The following HSF2BP variants were observed in gnomAD, a reference collection of about 807,000 sequenced individuals.
HSF2BP encodes the protein heat shock transcription factor 2 binding protein, also known as heat shock factor 2-binding protein.
A neutral mutation model predicts 35.0 loss-of-function variants in HSF2BP; 35 were observed. The ratio of observed to expected loss-of-function variants is 1.00; its 90% CI spans 0.76 to 1.32. The LOEUF is 1.32. Ranked by LOEUF, HSF2BP falls within the 40% of genes most tolerant of loss-of-function variation. The probability of loss-of-function intolerance (pLI) is 0.00; values close to 1 mark genes in which losing one functional copy is unlikely to be tolerated. For synonymous variants in HSF2BP, 114 were observed against 117.4 expected, an observed-to-expected ratio of 0.97 and a Z score of 0.18; for missense variants, 326 against 321.7, an observed-to-expected ratio of 1.01 and a Z score of -0.10.
Position 43,630,472 on chromosome 21 carries a change from A to G in HSF2BP, c.442-18T>C. 6.2e-7 allele frequency: 1 copy of G among 1,605,842 alleles called. No homozygotes were observed. The highest frequency in any genetic ancestry group is 8.5e-7 in the Non-Finnish European group (1 of 1,177,336). On this transcript the variant is annotated intron_variant, in intron 5 of 8. Transcript: ENST00000291560. ...GCTTTATCCTGAAAGTTTGAAAATC[A>G]GAGTGTCATATCTTTTTACAGACAC...
chr21:43,584,996 T>C (rs1047653398), intron 8 of HSF2BP, among the ~76,000 whole-genome samples: 6 of 142,662 alleles, frequency 4.2e-5, no homozygotes, highest in Non-Finnish European at 7.4e-5. Context: ...TTTTATTTAA[T>C]TATTTATTTA....
chr21:43,656,579 A>AGACTC lies in HSF2BP; in HGVS notation c.187+3_187+7dup. The AGACTC allele has an allele frequency of 6.2e-7, 1 of 1,605,180 alleles. No homozygotes were observed. The highest frequency in any genetic ancestry group is 8.5e-7 in the Non-Finnish European group (1 of 1,177,460). Reference sequence around the variant, plus strand: ...TACCACCAATGACTGCTGAAAATGAAGACTCACTTTTTTCTACAATCTTTA... The same window carrying AGACTC: ...TACCACCAATGACTGCTGAAAATGAAGACTCGACTCACTTTTTTCTACAATCTTTA... On this transcript the variant is annotated splice_region_variant and intron_variant, in intron 3 of 8. Transcript: ENST00000291560.
chr21:43,592,640 T>C (rs886300708), intron 7 of HSF2BP, among the ~76,000 whole-genome samples: 1 of 152,196 alleles, frequency 6.6e-6, no homozygotes, highest in Admixed American at 6.5e-5. Context: ...CAATCCTGCA[T>C]TAACATACAG....
At chr21:43,604,511 CTATACACA>C (rs1283312933) in intron 7 of HSF2BP, among the ~76,000 whole-genome samples, 146 of 137,434 alleles carry the variant, frequency 1.1e-3, no homozygotes, top group African/African-American at 3.9e-3. Context: ...ACTACACACA[CTATACACA>C]CCCCACACAC....
intron 3 of HSF2BP, among the ~76,000 whole-genome samples, chr21:43,650,483 G>T (rs1267993895): frequency 6.6e-6 from 1 of 152,000 alleles, no homozygotes; most frequent in Non-Finnish European, 1.5e-5. Context: ...GGGATTACAG[G>T]CATGAGCCAC....
intron 5 of HSF2BP, among the ~76,000 whole-genome samples, chr21:43,631,446 C>T (rs971533032): frequency 1.3e-5 from 2 of 152,088 alleles, no homozygotes; most frequent in Non-Finnish European, 2.9e-5. Context: ...TGCAGAGGGC[C>T]GAGCTCACTC....
At position 43,658,066 on chromosome 21, in the gene HSF2BP, A is replaced by T; in HGVS notation, c.31T>A (p.Cys11Ser). The change falls in exon 2 of 9, where the codon TGC (cysteine) becomes AGC (serine). Residue 11 changes from cysteine to serine, a missense_variant. By Grantham distance (112) the Cys-to-Ser change is moderately radical (BLOSUM62 -1). Coordinates refer to ENST00000291560, the MANE Select transcript of HSF2BP (RefSeq NM_007031.2). Reference sequence around the variant, plus strand: ...GCCAGGGCTTCCTCACTAACCCGGCAGGCCTCCTCAGCGGCGCCCGCTTCG... The same window carrying T: ...GCCAGGGCTTCCTCACTAACCCGGCTGGCCTCCTCAGCGGCGCCCGCTTCG... MGEAGAAEEA[C>S]RHMGTKEEFV... 6.5e-7 allele frequency: 1 copy of T among 1,535,742 alleles called. No homozygotes were observed. The highest frequency in any genetic ancestry group is 8.7e-7 in the Non-Finnish European group (1 of 1,146,212).
Position 43,658,184 on chromosome 21 carries a change from G to A in HSF2BP, c.-88C>T, listed in dbSNP as rs2082907299. The stretch of plus-strand genomic sequence containing the variant: ...GAAAGCGCGGGAACGAATCCACGCC[G>A]GGGGTCGGGAACGGAGAGCCGCCAG... On this transcript the variant is annotated 5_prime_UTR_variant, in exon 2 of 9. Coordinates refer to ENST00000291560, the MANE Select transcript of HSF2BP (RefSeq NM_007031.2). The A allele has an allele frequency of 1.4e-6, 2 of 1,394,352 alleles. No individual in the cohort carries two copies. Among genetic ancestry groups the A allele is most frequent in the South Asian group, 1.5e-5 (1 of 68,514 alleles). 86.4% of individuals were successfully genotyped at this position (1,394,352 alleles called of 1,614,324 possible). A position where few individuals can be genotyped will look rare whatever the true frequency, so the allele number is the denominator to read the frequency against.
rs143594731 is a variant in HSF2BP, at chr21:43,586,820, A to G, written c.796+5405T>C. The stretch of plus-strand genomic sequence containing the variant: ...TTTCCTCGATCTTATTTTTTTTTTT[A>G]ATGAAGTTTCACTCTTGTTGCCCAG... On this transcript the variant is annotated intron_variant, in intron 8 of 8. Coordinates refer to ENST00000291560, the MANE Select transcript of HSF2BP (RefSeq NM_007031.2). Among the ~76,000 whole-genome samples the G allele has an allele frequency of 2.2e-3, 338 of 151,374 alleles. 1 individual carries two copies. The highest frequency in any genetic ancestry group is 3.5e-3 in the Non-Finnish European group (234 of 67,804).
In HSF2BP at chr21:43,643,785, C is replaced by T. The variant is rs998171340; in HGVS notation, c.291+504G>A. ...CATCCTGGCTAACACAATGAAACCCCGTCTCTACTAAAAATACAAAAACTT... is the reference window on the plus strand; with the variant it reads ...CATCCTGGCTAACACAATGAAACCCTGTCTCTACTAAAAATACAAAAACTT... On this transcript the variant is annotated intron_variant, in intron 4 of 8. Coordinates refer to ENST00000291560, the MANE Select transcript of HSF2BP (RefSeq NM_007031.2). 2.0e-3 allele frequency among the ~76,000 whole-genome samples: 301 copies of T among 152,116 alleles called. 3 individuals carry two copies. Among genetic ancestry groups the T allele is most frequent in the African/African-American group, 6.7e-3 (279 of 41,516 alleles).
At chr21:43,628,615 A>T (rs1905236626) in intron 6 of HSF2BP, among the ~76,000 whole-genome samples, 1 of 152,256 alleles carries the variant, frequency 6.6e-6, no homozygotes, top group Admixed American at 6.5e-5. Context: ...GTTATCCAGA[A>T]GATCTAGCTA....
chr21:43,630,820 CA>C (rs566597341), intron 5 of HSF2BP, among the ~76,000 whole-genome samples: 108 of 145,760 alleles, frequency 7.4e-4, no homozygotes, highest in East Asian at 3.8e-3. Context: ...TAACTTTTTT[CA>C]AAAAAAAAAA....
intron 8 of HSF2BP, among the ~76,000 whole-genome samples, chr21:43,591,259 T>C (rs1376774278): frequency 6.6e-6 from 1 of 152,170 alleles, no homozygotes; most frequent in Admixed American, 6.5e-5. Context: ...TTAAAGAAAT[T>C]TTAAAACACA....
intron 7 of HSF2BP, among the ~76,000 whole-genome samples, chr21:43,600,468 C>A (rs550284173): frequency 6.6e-6 from 1 of 152,258 alleles, no homozygotes; most frequent in South Asian, 2.1e-4. Flanking sequence ...CAAAAGACTG[C>A]ATGTAATTTG....
chr21:43,604,334 ACAC>A (rs763536330), intron 7 of HSF2BP, among the ~76,000 whole-genome samples: 33 of 136,502 alleles, frequency 2.4e-4, no homozygotes, highest in African/African-American at 6.7e-4. Flanking sequence ...CCACACACAC[ACAC>A]ATCACGCACA....
chr21:43,572,648 G>A (rs1273105239), intron 8 of HSF2BP, among the ~76,000 whole-genome samples: 1 of 152,370 alleles, frequency 6.6e-6, no homozygotes, highest in African/African-American at 2.4e-5. Context: ...GGACAAGGAC[G>A]AGTGCTGCTG....
chr21:43,640,680 G>C (rs2082624020), intron 4 of HSF2BP, among the ~76,000 whole-genome samples: 1 of 152,080 alleles, frequency 6.6e-6, no homozygotes, highest in Non-Finnish European at 1.5e-5. Context: ...TCACCACTAG[G>C]GAAAACCGGG....
rs770855952 is a variant in HSF2BP, at chr21:43,595,726, A to ATTTTTTTTTTTTTTTTTTTTTT, written c.693-3420_693-3399dup. 2.2e-4 allele frequency among the ~76,000 whole-genome samples: 13 copies of ATTTTTTTTTTTTTTTTTTTTTT among 58,448 alleles called. 2 individuals carry two copies. The highest frequency in any genetic ancestry group is 1.3e-3 in the Admixed American group (4 of 3,000). The allele number at this position is 58,448 out of a possible 152,430, so 38.3% of individuals were successfully genotyped here. On this transcript the variant is annotated intron_variant, in intron 7 of 8. Transcript: ENST00000291560. Reference sequence around the variant, plus strand: ...AGCATCTTTAAAAATTAAGAGGCTAATTTTTTTTTTTTTTTTTTTTTTTTT... The same window carrying ATTTTTTTTTTTTTTTTTTTTTT: ...AGCATCTTTAAAAATTAAGAGGCTAATTTTTTTTTTTTTTTTTTTTTTTTTTTTTTTTTTTTTTTTTTTTTTT...
intron 7 of HSF2BP, among the ~76,000 whole-genome samples, chr21:43,600,643 G>C (rs1472272127): frequency 6.6e-6 from 1 of 152,158 alleles, no homozygotes; most frequent in Non-Finnish European, 1.5e-5. Context: ...CTAAAAACCT[G>C]TGGTCTATAT....
Sources: allele counts gnomAD v4.1 joint callset (sites outside exome capture counted in the v4.1 genomes callset), GRCh38; gene constraint gnomAD v4.1.1; transcripts MANE v1.5; gene names NCBI Gene and HGNC (gene_info 2026-07-23, HGNC 2026-07-21).